RGS20: variants seen among roughly 807,000 people sequenced by gnomAD.
RGS20 encodes regulator of G protein signaling 20.
RGS20 carries 30 observed loss-of-function variants against 33.6 expected under a neutral mutation model. That is an observed-to-expected ratio of 0.89 (90% CI 0.67 to 1.21). The LOEUF is 1.21. Ranked by LOEUF, RGS20 falls within the 50% of genes most tolerant of loss-of-function variation. The pLI is 0.00. For missense variants in RGS20, 472 were observed against 502.4 expected, an observed-to-expected ratio of 0.94 and a Z score of 0.58; for synonymous variants, 208 against 197.9, an observed-to-expected ratio of 1.05 and a Z score of -0.43.
At chr8:53,955,607 A>G (rs1341811658) in intron 5 of RGS20, among the ~76,000 whole-genome samples, 2 of 152,152 alleles carry the variant, frequency 1.3e-5, no homozygotes, top group Admixed American at 6.6e-5. Context: ...AGGCAGGTGG[A>G]TCACCTGAGG....
chr8:53,886,527 A>G (rs1296821630), intron 2 of RGS20, among the ~76,000 whole-genome samples: 1 of 152,204 alleles, frequency 6.6e-6, no homozygotes, highest in East Asian at 1.9e-4. Context: ...CTCAATTTCT[A>G]GTTACGCATT....
chr8:53,863,986 C>G (rs1474252118), intron 1 of RGS20, among the ~76,000 whole-genome samples: 1 of 152,048 alleles, frequency 6.6e-6, no homozygotes, highest in Admixed American at 6.6e-5. Context: ...CTCGGCCTCC[C>G]AAAGTGGTGG....
chr8:53,956,858 C>G (rs1452324062), intron 5 of RGS20, among the ~76,000 whole-genome samples: 2 of 151,778 alleles, frequency 1.3e-5, no homozygotes, highest in African/African-American at 4.8e-5. Context: ...ATTATACAAC[C>G]AAAAACAGGC....
chr8:53,942,762 A>G (rs1814337763), intron 3 of RGS20, among the ~76,000 whole-genome samples: 3 of 151,584 alleles, frequency 2.0e-5, no homozygotes. Flanking sequence ...GCCAAGGCAG[A>G]AGGATTGTTT....
intron 2 of RGS20, among the ~76,000 whole-genome samples, chr8:53,911,431 G>T (rs1198613983): frequency 3.9e-5 from 6 of 152,132 alleles, no homozygotes; most frequent in Non-Finnish European, 2.9e-5. Context: ...CATCAGAAAT[G>T]AGTTACGGTG....
intron 2 of RGS20, among the ~76,000 whole-genome samples, 162 bp from the exon 1 acceptor site, chr8:53,880,710 G>A (rs1235941144): frequency 2.0e-5 from 3 of 152,150 alleles, no homozygotes; most frequent in Non-Finnish European, 4.4e-5. Flanking sequence ...TGCTAATGCG[G>A]GGCTGGAGCA....
chr8:53,954,374 T>C (rs1814798946), intron 5 of RGS20, 64 bp downstream of exon 4: 1 of 1,143,140 alleles, frequency 8.7e-7, no homozygotes, highest in Non-Finnish European at 1.3e-6. Context: ...GCAAAAGTAA[T>C]TGCCATAGGC....
At chr8:53,889,487 G>T (rs1812651006) in intron 2 of RGS20, among the ~76,000 whole-genome samples, 1 of 121,962 alleles carries the variant, frequency 8.2e-6, no homozygotes, top group Non-Finnish European at 1.6e-5. Flanking sequence ...AGGCTGGAAG[G>T]CAGTGGCACA....
intron 1 of RGS20, among the ~76,000 whole-genome samples, chr8:53,862,225 A>G (rs1811825208): frequency 6.6e-6 from 1 of 152,236 alleles, no homozygotes; most frequent in Non-Finnish European, 1.5e-5. Flanking sequence ...CTCCCTTTAA[A>G]AAAAGAAACA....
chr8:53,940,746 A>G (rs1814266207), intron 3 of RGS20, among the ~76,000 whole-genome samples: 2 of 152,216 alleles, frequency 1.3e-5, no homozygotes, highest in South Asian at 4.1e-4. Flanking sequence ...GCAAGAGGAA[A>G]CGTGGCCATG....
intron 5 of RGS20, among the ~76,000 whole-genome samples, chr8:53,955,608 T>G (rs1195205289): frequency 1.3e-5 from 2 of 152,074 alleles, no homozygotes; most frequent in East Asian, 3.9e-4. Context: ...GGCAGGTGGA[T>G]CACCTGAGGT....
intron 2 of RGS20, among the ~76,000 whole-genome samples, chr8:53,896,925 C>T (rs1409055652): frequency 1.3e-5 from 2 of 152,154 alleles, no homozygotes; most frequent in Admixed American, 6.6e-5. Context: ...TATTTCATAC[C>T]ATTATCATAG....
chr8:53,954,939 G>C (rs1471296068), intron 5 of RGS20, among the ~76,000 whole-genome samples: 3 of 151,262 alleles, frequency 2.0e-5, no homozygotes, highest in Non-Finnish European at 2.9e-5. Context: ...ACCTGCCTTA[G>C]CCTCCCAAAG....
At chr8:53,941,693 A>G (rs1421527323) in intron 3 of RGS20, among the ~76,000 whole-genome samples, 2 of 152,240 alleles carry the variant, frequency 1.3e-5, no homozygotes, top group Non-Finnish European at 2.9e-5. Flanking sequence ...TTTTAACATC[A>G]GTGAAAGACA....
chr8:53,934,334 C>A (rs1814064591), intron 2 of RGS20, among the ~76,000 whole-genome samples: 1 of 152,144 alleles, frequency 6.6e-6, no homozygotes, highest in South Asian at 2.1e-4. Context: ...AAGGTCAAGA[C>A]CCAACAGTGT....
chr8:53,880,285 G>C (rs1812323910), intron 2 of RGS20: 1 of 152,624 alleles, frequency 6.6e-6, no homozygotes, highest in South Asian at 2.1e-4. Context: ...CTGGAGTCAG[G>C]GGTTAGTTCC....
At chr8:53,914,889 A>T (rs1350915480) in intron 2 of RGS20, 1 of 152,248 alleles carries the variant, frequency 6.6e-6, no homozygotes, top group African/African-American at 2.4e-5. Flanking sequence ...TCATGCCTGT[A>T]ATCCCAGCAC....
chr8:53,892,987 A>G (rs963621400), intron 2 of RGS20, among the ~76,000 whole-genome samples: 1 of 152,196 alleles, frequency 6.6e-6, no homozygotes, highest in African/African-American at 2.4e-5. Context: ...TGACCTCCTG[A>G]AACTGAAGAA....
Position 53,851,945 on chromosome 8 carries a change from TTC to T in RGS20, c.49_50del (p.Ser17GlnfsTer18), listed in dbSNP as rs1209897390. 1.2e-6 allele frequency: 2 copies of T among 1,614,102 alleles called. No individual in the cohort carries two copies. Among genetic ancestry groups the T allele is most frequent in the Non-Finnish European group, 1.7e-6 (2 of 1,180,014 alleles). ...TAACCAAGAGTGCCTCCAGAAACAT[TTC>T]TCCAGGCCGTCTATATGGACACAGT... On this transcript the variant is annotated frameshift_variant, in exon 1 of 6. Transcript: ENST00000297313. LOFTEE classifies it high-confidence loss of function.
Sources: gnomAD v4.1 joint callset for allele counts (sites outside exome capture counted in the v4.1 genomes callset) on GRCh38, gnomAD v4.1.1 for gene constraint, MANE v1.5 for transcripts, NCBI Gene and HGNC (gene_info 2026-07-23, HGNC 2026-07-21) for gene names.